Variants in ADCY7 observed in about 807,000 individuals in gnomAD.
ADCY7 encodes adenylate cyclase type 7.
ADCY7 carries 72 observed loss-of-function variants against 120.6 expected under a neutral mutation model. That is an observed-to-expected ratio of 0.60 (90% CI 0.49 to 0.73). The LOEUF is 0.73. ADCY7 is among the 30% of genes least tolerant of loss of function. ADCY7 has a pLI of 0.00. For missense variants in ADCY7, 1,227 were observed against 1,486.0 expected (o/e 0.83, Z 2.87); for synonymous variants, 661 against 628.0 (o/e 1.05, Z -0.78).
At chr16:50,248,637 GTGTTTTC>G (rs2032662192) in intron 1 of ADCY7, among the ~76,000 whole-genome samples, 1 of 152,194 alleles carries the variant, frequency 6.6e-6, no homozygotes, top group East Asian at 1.9e-4. Context: ...CGTGCTTTCT[GTGTTTTC>G]AAAATTGTCG....
intron 22 of ADCY7, chr16:50,313,339 G>C: frequency 3.4e-6 from 1 of 296,502 alleles, no homozygotes; most frequent in Admixed American, 4.5e-5. Context: ...AGAATCGCTT[G>C]AACCTGGGAG....
At chr16:50,303,067 C>G (rs149605242) in intron 10 of ADCY7, among the ~76,000 whole-genome samples, 291 of 152,324 alleles carry the variant, frequency 1.9e-3, no homozygotes, top group Middle Eastern at 3.4e-3. Flanking sequence ...ATTTTTGTTT[C>G]TGCTTTTTAT....
rs1229013770 is a variant in ADCY7 at position 50,301,019 on chromosome 16, T to C, written c.1236-63T>C. On this transcript the variant is annotated intron_variant, in intron 9 of 25. Coordinates refer to ENST00000673801, the MANE Select transcript of ADCY7 (RefSeq NM_001114.5). ...GGGGCCCAGGCCTGCCTGCTGTGCA[T>C]CCCTGGGTGGATGCCAGCCCTCTCT... 3 of 1,590,044 alleles carry C rather than the reference T, an allele frequency of 1.9e-6. No homozygotes were observed. The African/African-American group carries it at 4.0e-5, about 21-fold the overall frequency.
rs1175093695 is a variant in ADCY7 at position 50,317,279 on chromosome 16, C to T, written c.*1774C>T. The T allele has an allele frequency of 1.3e-5, 2 of 152,628 alleles. No homozygotes were observed. Among genetic ancestry groups the T allele is most frequent in the African/African-American group, 4.8e-5 (2 of 41,450 alleles). 9.5% of individuals were successfully genotyped at this position (152,628 alleles called of 1,614,324 possible). ...ATGCTGGTAAGGGCAATTAGCCTCG[C>T]TTAAGTTGCCTTTTTTACACACCAA... On this transcript the variant is annotated 3_prime_UTR_variant, in exon 26 of 26. Transcript: ENST00000673801.
chr16:50,301,627 A>G (rs2035728252), intron 10 of ADCY7: 2 of 203,652 alleles, frequency 9.8e-6, no homozygotes, highest in South Asian at 8.2e-5. Flanking sequence ...CCTGGGAGCC[A>G]CTGGGCAGGA....
At chr16:50,305,630 C>G (rs368680961) in intron 13 of ADCY7, 44 bp downstream of exon 13, 5 of 1,544,304 alleles carry the variant, frequency 3.2e-6, no homozygotes, top group Non-Finnish European at 4.4e-6. Flanking sequence ...CTCTCCCCCT[C>G]GGATAGGGGT....
chr16:50,269,655 C>T (rs1254454781), intron 1 of ADCY7, among the ~76,000 whole-genome samples: 5 of 152,144 alleles, frequency 3.3e-5, no homozygotes, highest in African/African-American at 4.8e-5. Flanking sequence ...CCCTCAGCAC[C>T]GCTCCTTGCC....
intron 1 of ADCY7, among the ~76,000 whole-genome samples, chr16:50,254,616 A>T (rs1353707322): frequency 6.6e-6 from 1 of 152,240 alleles, no homozygotes; most frequent in East Asian, 1.9e-4. Context: ...TGAACCAAGA[A>T]ATGGAACAAG....
At chr16:50,304,773 G>A in intron 11 of ADCY7, 152 bp from the exon 12 acceptor site, 14 of 1,124,810 alleles carry the variant, frequency 1.2e-5, no homozygotes, top group South Asian at 7.9e-5. Flanking sequence ...CCTGGACCAC[G>A]CTCAGCTATA....
chr16:50,254,321 TC>T (rs2150784815), intron 1 of ADCY7, among the ~76,000 whole-genome samples: 1 of 152,254 alleles, frequency 6.6e-6, no homozygotes, highest in East Asian at 1.9e-4. Flanking sequence ...CACAGCCCCC[TC>T]CAGGCACCCT....
intron 1 of ADCY7, among the ~76,000 whole-genome samples, chr16:50,286,260 C>T (rs1567548590): frequency 6.7e-6 from 1 of 150,092 alleles, no homozygotes; most frequent in African/African-American, 2.4e-5. Flanking sequence ...CAGCCTAAGT[C>T]TCCCCAGGCT....
chr16:50,302,399 G>A (rs1445718833), intron 10 of ADCY7, among the ~76,000 whole-genome samples: 1 of 152,160 alleles, frequency 6.6e-6, no homozygotes, highest in Non-Finnish European at 1.5e-5. Flanking sequence ...CACCCAGGAG[G>A]CTCCAAAATC....
intron 21 of ADCY7, 47 bp from the exon 22 acceptor site, chr16:50,312,843 C>T: frequency 7.1e-7 from 1 of 1,412,662 alleles, no homozygotes; most frequent in Non-Finnish European, 9.6e-7. Flanking sequence ...CTCTTCCTGT[C>T]CCCTCAAGAG....
intron 8 of ADCY7, among the ~76,000 whole-genome samples, chr16:50,299,383 C>T (rs1461071764): frequency 6.6e-6 from 1 of 152,210 alleles, no homozygotes; most frequent in Non-Finnish European, 1.5e-5. Context: ...ACCCAGGGGT[C>T]GACTCCAAGG....
intron 1 of ADCY7, among the ~76,000 whole-genome samples, chr16:50,259,646 T>C (rs974842059): frequency 6.6e-6 from 1 of 152,188 alleles, no homozygotes; most frequent in Non-Finnish European, 1.5e-5. Context: ...GCTGTTCATC[T>C]TTCCTTGTTG....
At chr16:50,248,061 G>A (rs1171122924) in intron 1 of ADCY7, among the ~76,000 whole-genome samples, 1 of 152,064 alleles carries the variant, frequency 6.6e-6, no homozygotes, top group African/African-American at 2.4e-5. Flanking sequence ...GAAAGCGGAG[G>A]TCCTCACAGG....
intron 1 of ADCY7, among the ~76,000 whole-genome samples, chr16:50,278,519 T>G (rs547875454): frequency 6.6e-6 from 1 of 152,340 alleles, no homozygotes; most frequent in South Asian, 2.1e-4. Context: ...CTGTCACGTG[T>G]CTTTTGATTG....
chr16:50,279,508 G>C lies in ADCY7; in HGVS notation c.-268-8404G>C, dbSNP rs571609908. 2.2e-5 allele frequency: 3 copies of C among 134,734 alleles called. No individual in the cohort carries two copies. In the East Asian group the frequency reaches 8.9e-4, roughly 40 times the overall value. 8.3% of individuals were successfully genotyped at this position (134,734 alleles called of 1,614,324 possible). ...AAGTAGGGCTATTTCTCCAACAGGG[G>C]AGCCTGGTTGATTGCTTAGTCAGTT... is the stretch of plus-strand genomic sequence containing the variant. On this transcript the variant is annotated intron_variant, in intron 1 of 25. Transcript: ENST00000673801.
rs2036797334 is a variant in ADCY7, at chr16:50,316,302, G to T, written c.*797G>T. The stretch of plus-strand genomic sequence containing the variant: ...AATGTGGTCACAGCAAGAAGGCGGG[G>T]AGCAGCAGAGCCTTGCCTTTGAATG... On this transcript the variant is annotated 3_prime_UTR_variant, in exon 26 of 26. Transcript: ENST00000673801. 2 of 152,388 alleles carry T rather than the reference G, an allele frequency of 1.3e-5. No individual in the cohort carries two copies. The highest frequency in any genetic ancestry group is 6.5e-5 in the Admixed American group (1 of 15,274). The allele number at this position is 152,388 out of a possible 1,614,324, so 9.4% of individuals were successfully genotyped here. A position where few individuals can be genotyped will look rare whatever the true frequency, so the allele number is the denominator to read the frequency against.
Sources: allele counts gnomAD v4.1 joint callset (sites outside exome capture counted in the v4.1 genomes callset), GRCh38; gene constraint gnomAD v4.1.1; transcripts MANE v1.5; gene names NCBI Gene and HGNC (gene_info 2026-07-23, HGNC 2026-07-21).